The following ARID1B variants were observed in gnomAD, a reference collection of about 807,000 sequenced individuals.
The protein encoded by ARID1B is AT-rich interactive domain-containing protein 1B.
A neutral mutation model predicts 212.3 loss-of-function variants in ARID1B; 30 were observed. That is an observed-to-expected ratio of 0.14 (90% CI 0.11 to 0.19). The LOEUF is 0.19. Among genes scored for constraint, ARID1B ranks in the 10% least tolerant of loss-of-function variants. The pLI, the probability that ARID1B is intolerant of heterozygous loss-of-function variation, is 1.00. For synonymous variants in ARID1B, 1,402 were observed against 1,301.7 expected (o/e 1.08, Z -1.66); for missense variants, 2,891 against 3,204.0 (o/e 0.90, Z 2.36).
At chr6:156,844,965 A>G (rs1784132812) in intron 2 of ARID1B, among the ~76,000 whole-genome samples, 1 of 152,208 alleles carries the variant, frequency 6.6e-6, no homozygotes, top group Non-Finnish European at 1.5e-5. Context: ...GGTGGAACCC[A>G]TTAGTTACTT....
At chr6:156,836,572 C>G (rs1783527758) in intron 2 of ARID1B, among the ~76,000 whole-genome samples, 1 of 152,218 alleles carries the variant, frequency 6.6e-6, no homozygotes, top group Non-Finnish European at 1.5e-5. Flanking sequence ...CTGTGCTCCT[C>G]TGCCAGATGA....
At chr6:157,128,122 G>A (rs908028632) in intron 6 of ARID1B, among the ~76,000 whole-genome samples, 5 of 152,094 alleles carry the variant, frequency 3.3e-5, no homozygotes, top group African/African-American at 1.2e-4. Flanking sequence ...CATCGTTTCT[G>A]TATTTAGGAT....
chr6:156,975,627 T>TTTTTC (rs1777185627), intron 4 of ARID1B, among the ~76,000 whole-genome samples: 1 of 150,898 alleles, frequency 6.6e-6, no homozygotes, highest in African/African-American at 2.4e-5. Context: ...TTTTTTTTTT[T>TTTTTC]TTTCAGTTCC....
intron 4 of ARID1B, among the ~76,000 whole-genome samples, chr6:157,057,681 G>T (rs1783054252): frequency 6.6e-6 from 1 of 152,164 alleles, no homozygotes; most frequent in Non-Finnish European, 1.5e-5. Flanking sequence ...GTATGCACTT[G>T]ATTTCAGTCC....
chr6:157,006,906 T>C (rs1403487279), intron 4 of ARID1B, among the ~76,000 whole-genome samples: 2 of 152,272 alleles, frequency 1.3e-5, no homozygotes, highest in African/African-American at 2.4e-5. Flanking sequence ...GGAAATGTTA[T>C]CAGTTTGCTA....
Position 157,133,118 on chromosome 6 carries a change from G to C in ARID1B, c.2672G>C (p.Gly891Ala). The change falls in exon 7 of 20, where the codon GGG becomes GCG. Residue 891 changes from glycine (G) to alanine (A), a missense_variant. Physicochemically the swap from Gly to Ala is moderately conservative, Grantham distance 60. Coordinates refer to ENST00000636930, the MANE Select transcript of ARID1B (RefSeq NM_001374828.1). ...TCCATGTCGCCTCATCCTTCTCCTG[G>C]GGGCCAGATGCATGCTGGAATCAGT... ...GPSMSPHPSP[G>A]GQMHAGISSF... 6.2e-7 allele frequency: 1 copy of C among 1,614,162 alleles called. No individual in the cohort carries two copies. The highest frequency in any genetic ancestry group is 8.5e-7 in the Non-Finnish European group (1 of 1,180,030).
At chr6:157,138,799 C>T (rs1357731921) in intron 7 of ARID1B, among the ~76,000 whole-genome samples, 1 of 152,122 alleles carries the variant, frequency 6.6e-6, no homozygotes, top group East Asian at 1.9e-4. Flanking sequence ...TTGGTTAAAT[C>T]GACAGTGCAA....
rs139962925 is a variant in ARID1B at position 157,028,921 on chromosome 6, A to G, written c.2248-55741A>G. ...GGAAAGCTCAAAATTACTTTTTAAA[A>G]TTGTTTGGAAGGATTGCGAACTGTA... is the stretch of plus-strand genomic sequence containing the variant. On this transcript the variant is annotated intron_variant, in intron 4 of 19. Transcript: ENST00000636930. Among the ~76,000 whole-genome samples, 1,321 of 152,312 alleles carry G rather than the reference A, an allele frequency of 8.7e-3. 26 individuals carry two copies. The highest frequency in any genetic ancestry group is 0.031 in the African/African-American group (1,276 of 41,572).
At chr6:157,042,495 G>A (rs1781952885) in intron 4 of ARID1B, among the ~76,000 whole-genome samples, 1 of 151,936 alleles carries the variant, frequency 6.6e-6, no homozygotes, top group South Asian at 2.1e-4. Context: ...TATAATATTT[G>A]ATATAAACTA....
intron 4 of ARID1B, among the ~76,000 whole-genome samples, chr6:157,044,648 CTG>C (rs749096977): frequency 7.9e-5 from 12 of 152,308 alleles, no homozygotes; most frequent in Admixed American, 4.6e-4. Context: ...ATTTCTGACT[CTG>C]TATCTTTTGT....
At chr6:156,968,933 A>G (rs529373149) in intron 4 of ARID1B, among the ~76,000 whole-genome samples, 2 of 152,324 alleles carry the variant, frequency 1.3e-5, no homozygotes, top group South Asian at 4.1e-4. Context: ...AGCCCCTGGG[A>G]GCAGGTCTCT....
chr6:156,918,815 C>T (rs775326939), intron 3 of ARID1B, among the ~76,000 whole-genome samples: 72 of 152,210 alleles, frequency 4.7e-4, no homozygotes, highest in East Asian at 9.7e-4. Context: ...AGCCTGCCTG[C>T]GCTCGCTCTG....
chr6:156,941,082 T>C (rs915956942), intron 4 of ARID1B: 2 of 152,182 alleles, frequency 1.3e-5, no homozygotes, highest in African/African-American at 2.4e-5. Flanking sequence ...AATTATAAGT[T>C]AATGAAGGAA....
At chr6:157,058,621 T>C (rs1783128254) in intron 4 of ARID1B, among the ~76,000 whole-genome samples, 1 of 152,238 alleles carries the variant, frequency 6.6e-6, no homozygotes, top group African/African-American at 2.4e-5. Context: ...GTGATGTCAG[T>C]CACCCTCTTT....
rs149389876 is a variant in ARID1B, at chr6:157,190,199, G to A, written c.4220G>A (p.Gly1407Glu). ...PYEPNKDPFG[G>E]MRKVPGSSEP... ...GAGCCCAACAAGGACCCCTTTGGGG[G>A]AATGAGAAAAGGTACGTGTAGAGGG... Residue 1407 changes from glycine (G) to glutamate (E), a missense_variant, in exon 15 of 20, where the codon GGA (glycine) becomes GAA (glutamate). By Grantham distance (98) the Gly-to-Glu change is moderately conservative. Coordinates refer to ENST00000636930, the MANE Select transcript of ARID1B (RefSeq NM_001374828.1). The surrounding 1 kb of genome is among the most constrained non-coding windows in gnomAD (Gnocchi z 4.6). 2.5e-6 allele frequency: 4 copies of A among 1,611,720 alleles called. No individual in the cohort carries two copies. Among genetic ancestry groups the A allele is most frequent in the Non-Finnish European group, 2.5e-6 (3 of 1,179,398 alleles).
At chr6:156,897,634 T>C (rs1339894323) in intron 2 of ARID1B, among the ~76,000 whole-genome samples, 1 of 151,846 alleles carries the variant, frequency 6.6e-6, no homozygotes, top group African/African-American at 2.4e-5. Context: ...TTTTTTGAGA[T>C]CTCCATTTAG....
intron 11 of ARID1B, 93 bp from the exon 12 acceptor site, chr6:157,180,876 T>A: frequency 9.6e-7 from 1 of 1,040,208 alleles, no homozygotes; most frequent in Non-Finnish European, 1.4e-6. Context: ...TCTTCTCTTC[T>A]TGTATTTGTT....
At chr6:157,135,493 C>G (rs527510642) in intron 7 of ARID1B, among the ~76,000 whole-genome samples, 1 of 152,324 alleles carries the variant, frequency 6.6e-6, no homozygotes, top group Non-Finnish European at 1.5e-5. Context: ...GGGCACCCCT[C>G]CCAGCACCAT....
chr6:156,915,800 G>A (rs1352320911), intron 3 of ARID1B, among the ~76,000 whole-genome samples: 1 of 151,782 alleles, frequency 6.6e-6, no homozygotes, highest in Admixed American at 6.6e-5. Flanking sequence ...GGAGGCTGAG[G>A]CAGGGGGATC....
Sources: gnomAD v4.1 joint callset for allele counts (sites outside exome capture counted in the v4.1 genomes callset) on GRCh38, gnomAD v4.1.1 for gene constraint, Gnocchi (gnomAD v3.1) non-coding constraint, MANE v1.5 for transcripts, NCBI Gene and HGNC (gene_info 2026-07-23, HGNC 2026-07-21) for gene names.